PHTF2: variants seen among roughly 807,000 people sequenced by gnomAD.
PHTF2 encodes putative homeodomain transcription factor 2.
A neutral mutation model predicts 101.2 loss-of-function variants in PHTF2; 60 were observed. That is an observed-to-expected ratio of 0.59 (90% CI 0.48 to 0.73). The LOEUF is 0.73. PHTF2 is among the 30% of genes least tolerant of loss of function. The probability of loss-of-function intolerance (pLI) is 0.00; values close to 1 mark genes in which losing one functional copy is unlikely to be tolerated. For missense variants in PHTF2, 747 were observed against 908.7 expected, an observed-to-expected ratio of 0.82 and a Z score of 2.29; for synonymous variants, 311 against 307.3, an observed-to-expected ratio of 1.01 and a Z score of -0.13.
rs148575317 is a variant in PHTF2, at chr7:77,848,449, C to T, written c.46-6284C>T. On this transcript the variant is annotated intron_variant, in intron 2 of 19. Coordinates refer to ENST00000416283, the Ensembl canonical transcript of PHTF2. ...CACTGTAGTTTTGATTTGCATTTCTCTGATGATCCATGATGTGAAGCACCT... is the reference window on the plus strand; with the variant it reads ...CACTGTAGTTTTGATTTGCATTTCTTTGATGATCCATGATGTGAAGCACCT... Among the ~76,000 whole-genome samples the T allele has an allele frequency of 5.2e-3, 796 of 152,300 alleles. 5 individuals carry two copies. The highest frequency in any genetic ancestry group is 0.018 in the African/African-American group (764 of 41,554).
chr7:77,951,623 C>A, exon 18 of PHTF2: 1 of 1,330,368 alleles, frequency 7.5e-7, no homozygotes, highest in Non-Finnish European at 1.0e-6. Context: ...AAAGATAAAC[C>A]TCTACTTGAA....
chr7:77,803,727 A>T, intron 1 of PHTF2, among the ~76,000 whole-genome samples: 1 of 131,404 alleles, frequency 7.6e-6, no homozygotes, highest in African/African-American at 2.9e-5. Flanking sequence ...GTGTGTGTGT[A>T]GGTTTTAAAA....
rs1214721839 is a variant in PHTF2 at position 77,928,478 on chromosome 7, C to G, written c.1120-631C>G. Among the ~76,000 whole-genome samples the G allele has an allele frequency of 4.6e-5, 7 of 150,652 alleles. No homozygotes were observed. In the South Asian group the frequency reaches 1.5e-3, roughly 33 times the overall value. ...GAAACAAAAACAGTAGATAAATCCA[C>G]TCTTGCTTAAAAAAAAAAAGACTAG... On this transcript the variant is annotated intron_variant, in intron 11 of 19. Coordinates refer to ENST00000416283, the Ensembl canonical transcript of PHTF2.
At chr7:77,844,201 C>T (rs913059082) in intron 2 of PHTF2, among the ~76,000 whole-genome samples, 1 of 152,062 alleles carries the variant, frequency 6.6e-6, no homozygotes, top group African/African-American at 2.4e-5. Flanking sequence ...ACCATGTTTC[C>T]CAGGCTGGTC....
At chr7:77,917,573 T>C (rs1346714719) in intron 9 of PHTF2, among the ~76,000 whole-genome samples, 2 of 152,216 alleles carry the variant, frequency 1.3e-5, no homozygotes, top group Non-Finnish European at 2.9e-5. Context: ...ATATCTTCTT[T>C]CTGTGTCAGT....
chr7:77,841,577 A>G (rs182436025), intron 2 of PHTF2, among the ~76,000 whole-genome samples: 2 of 152,146 alleles, frequency 1.3e-5, no homozygotes, highest in East Asian at 1.9e-4. Flanking sequence ...TGGTCCTCCT[A>G]CCTAAACCTC....
chr7:77,902,422 G>A (rs1172238078), intron 7 of PHTF2, among the ~76,000 whole-genome samples: 3 of 152,022 alleles, frequency 2.0e-5, no homozygotes, highest in African/African-American at 4.8e-5. Flanking sequence ...ACTATGCTTC[G>A]CTTATAGACG....
At chr7:77,923,368 G>A (rs1803658929) in intron 11 of PHTF2, 1 of 972,324 alleles carries the variant, frequency 1.0e-6, no homozygotes, top group Non-Finnish European at 1.2e-6. Flanking sequence ...AAATTACACT[G>A]TTTATCACTT....
chr7:77,820,750 A>G (rs1794220928), intron 1 of PHTF2, among the ~76,000 whole-genome samples: 1 of 152,188 alleles, frequency 6.6e-6, no homozygotes, highest in Admixed American at 6.5e-5. Context: ...GGGGAATTTA[A>G]TCCGTTTACA....
chr7:77,817,221 A>G (rs1267407712), intron 1 of PHTF2, among the ~76,000 whole-genome samples: 1 of 152,108 alleles, frequency 6.6e-6, no homozygotes, highest in African/African-American at 2.4e-5. Context: ...CATTCTCATC[A>G]GCATTTGTTA....
At chr7:77,821,361 C>G (rs1249069003) in intron 1 of PHTF2, among the ~76,000 whole-genome samples, 1 of 152,164 alleles carries the variant, frequency 6.6e-6, no homozygotes, top group Non-Finnish European at 1.5e-5. Flanking sequence ...GCTTCCCGGA[C>G]CTAGATGTCC....
At chr7:77,915,979 C>CTG (rs34376513) in intron 9 of PHTF2, among the ~76,000 whole-genome samples, 21,857 of 147,464 alleles carry the variant, frequency 0.15, 1,567 homozygotes, top group Middle Eastern at 0.22. Flanking sequence ...ATTTGTGTGT[C>CTG]TGTGTGTGTG....
intron 11 of PHTF2, among the ~76,000 whole-genome samples, chr7:77,927,177 AAT>A (rs386410516): frequency 0.26 from 18,764 of 73,468 alleles, 3,528 homozygotes; most frequent in Non-Finnish European, 0.28. Context: ...AAAAAAAAAA[AAT>A]ATATATATAT....
intron 1 of PHTF2, among the ~76,000 whole-genome samples, chr7:77,806,020 C>CA (rs565632177): frequency 1.0e-3 from 155 of 152,252 alleles, no homozygotes; most frequent in African/African-American, 3.5e-3. Flanking sequence ...ACTAAAAATA[C>CA]AAAAAGTGGC....
At chr7:77,819,886 TTTTTG>T (rs1176410982) in intron 1 of PHTF2, among the ~76,000 whole-genome samples, 1 of 152,108 alleles carries the variant, frequency 6.6e-6, no homozygotes, top group Non-Finnish European at 1.5e-5. Context: ...TATGGGAGAC[TTTTTG>T]TTTTGTTTTG....
intron 1 of PHTF2, among the ~76,000 whole-genome samples, chr7:77,806,129 C>G (rs915033425): frequency 1.3e-5 from 2 of 150,764 alleles, no homozygotes; most frequent in East Asian, 3.9e-4. Context: ...GCAGTGAGAT[C>G]GCACCATTGC....
chr7:77,823,376 A>G (rs1284778614), intron 1 of PHTF2, among the ~76,000 whole-genome samples: 3 of 151,142 alleles, frequency 2.0e-5, no homozygotes, highest in Admixed American at 6.6e-5. Context: ...ACACGCCACC[A>G]CACCCAGCTA....
At chr7:77,851,393 A>T (rs1158843065) in intron 2 of PHTF2, among the ~76,000 whole-genome samples, 1 of 152,140 alleles carries the variant, frequency 6.6e-6, no homozygotes, top group Non-Finnish European at 1.5e-5. Context: ...TTATTGGCAT[A>T]TAGTTGCTCA....
At chr7:77,857,673 T>C (rs1797297020) in intron 3 of PHTF2, among the ~76,000 whole-genome samples, 1 of 152,218 alleles carries the variant, frequency 6.6e-6, no homozygotes, top group Non-Finnish European at 1.5e-5. Context: ...TATGAGGCAG[T>C]GTATCTTAGT....
Sources: allele counts gnomAD v4.1 joint callset (sites outside exome capture counted in the v4.1 genomes callset), GRCh38; gene constraint gnomAD v4.1.1; transcripts MANE v1.5; gene names NCBI Gene and HGNC (gene_info 2026-07-23, HGNC 2026-07-21).